The following TTLL8 variants were observed in gnomAD, a reference collection of about 807,000 sequenced individuals.
TTLL8 encodes the protein tubulin tyrosine ligase like 8, also known as protein monoglycylase TTLL8.
A neutral mutation model predicts 77.8 loss-of-function variants in TTLL8; 65 were observed. The observed-to-expected ratio is 0.84, with a 90% CI of 0.68 to 1.03. The LOEUF is 1.03. Among genes scored for constraint, TTLL8 ranks in the 50% least tolerant of loss-of-function variants. The pLI is 0.00. For missense variants in TTLL8, 910 were observed against 1,004.5 expected, an observed-to-expected ratio of 0.91 and a Z score of 1.27; for synonymous variants, 402 against 422.8, an observed-to-expected ratio of 0.95 and a Z score of 0.60.
chr22:50,038,529 T>G (rs1473571121), intron 8 of TTLL8, among the ~76,000 whole-genome samples: 3 of 152,230 alleles, frequency 2.0e-5, no homozygotes, highest in Non-Finnish European at 2.9e-5. Context: ...TGAAAAGATC[T>G]GGCTGTGTGT....
chr22:50,034,654 G>A lies in TTLL8; in HGVS notation c.922-192C>T. The A allele has an allele frequency of 2.3e-6, 1 of 443,548 alleles. No homozygotes were observed. The highest frequency in any genetic ancestry group is 3.7e-5 in the Admixed American group (1 of 27,354). The allele number at this position is 443,548 out of a possible 1,614,324, so 27.5% of individuals were successfully genotyped here. A position where few individuals can be genotyped will look rare whatever the true frequency, so the allele number is the denominator to read the frequency against. ...CCCAGGAAGTTCTCCCAACAGTATG[G>A]ACACCTGGAAAACACAGCCCTGTGA... On this transcript the variant is annotated intron_variant, in intron 8 of 13. Transcript: ENST00000266182. This position sits in a 1 kb window ranked among gnomAD's most constrained non-coding sequence, Gnocchi z 4.1.
rs1569231643 is a variant in TTLL8 at position 50,045,849 on chromosome 22, C to T, written c.508+7G>A. ...GCACTGGGGCCCTCTGCCGTCTCCT[C>T]ACTTACCCAGGAACTCCTGCTGCTC... On this transcript the variant is annotated splice_region_variant and intron_variant, in intron 5 of 13. Coordinates refer to ENST00000266182, the Ensembl canonical transcript of TTLL8. 2 of 1,340,230 alleles carry T rather than the reference C, an allele frequency of 1.5e-6. No individual in the cohort carries two copies. Among genetic ancestry groups the T allele is most frequent in the Non-Finnish European group, 2.0e-6 (2 of 1,011,692 alleles). 83.0% of individuals were successfully genotyped at this position (1,340,230 alleles called of 1,614,324 possible). A position where few individuals can be genotyped will look rare whatever the true frequency, so the allele number is the denominator to read the frequency against.
At chr22:50,019,087 C>T (rs2061181213) in intron 12 of TTLL8, among the ~76,000 whole-genome samples, 1 of 152,186 alleles carries the variant, frequency 6.6e-6, no homozygotes, top group Admixed American at 6.5e-5. Flanking sequence ...ATTTTCCAGG[C>T]TTCAAAGTCG....
At chr22:50,035,853 C>T (rs1000767736) in intron 8 of TTLL8, among the ~76,000 whole-genome samples, 11 of 152,216 alleles carry the variant, frequency 7.2e-5, no homozygotes, top group African/African-American at 2.4e-4. Context: ...CCAGGACAGC[C>T]CAGCCCCGAG....
chr22:50,043,870 G>A (rs1428535212), intron 6 of TTLL8, among the ~76,000 whole-genome samples: 2 of 152,130 alleles, frequency 1.3e-5, no homozygotes, highest in Non-Finnish European at 2.9e-5. Context: ...GGGGGCGGGG[G>A]GATGAAGAGA....
At chr22:50,020,601 T>C (rs894055026) in intron 12 of TTLL8, among the ~76,000 whole-genome samples, 2 of 140,092 alleles carry the variant, frequency 1.4e-5, no homozygotes, top group Non-Finnish European at 3.0e-5. Context: ...TGACGTGAAC[T>C]CCTCCATCTA....
At chr22:50,036,798 A>G (rs2061339821) in intron 8 of TTLL8, among the ~76,000 whole-genome samples, 1 of 151,764 alleles carries the variant, frequency 6.6e-6, no homozygotes, top group Admixed American at 6.6e-5. Context: ...AGATTTCACC[A>G]TTTTTGCCAG....
chr22:50,048,552 A>G (rs1365314279), intron 3 of TTLL8, among the ~76,000 whole-genome samples: 1 of 152,036 alleles, frequency 6.6e-6, no homozygotes, highest in Non-Finnish European at 1.5e-5. Flanking sequence ...ATGTGTCCAC[A>G]CCACTGCCCA....
upstream of TTLL8, among the ~76,000 whole-genome samples, chr22:50,058,115 G>A (rs2061496487): frequency 6.7e-6 from 1 of 149,980 alleles, no homozygotes; most frequent in African/African-American, 2.5e-5. This position sits in a 1 kb window ranked among gnomAD's most constrained non-coding sequence, Gnocchi z 4.2. Flanking sequence ...TCGGAAGCGC[G>A]GACGGGCCTG....
At position 50,031,703 on chromosome 22, in the gene TTLL8, C is replaced by A; in HGVS notation, c.1690G>T (p.Glu564Ter). The A allele has an allele frequency of 7.6e-7, 1 of 1,312,260 alleles. No homozygotes were observed. The highest frequency in any genetic ancestry group is 4.9e-5 in the East Asian group (1 of 20,454). The allele number at this position is 1,312,260 out of a possible 1,614,324, so 81.3% of individuals were successfully genotyped here. The change falls in exon 11 of 14, where the codon GAG (glutamate) becomes TAG (stop). Residue 564 changes from glutamate to a stop codon, truncating the protein, a stop_gained. Coordinates refer to ENST00000266182, the Ensembl canonical transcript of TTLL8. LOFTEE classifies it high-confidence loss of function. Reference sequence around the variant, plus strand: ...TGGCTCACCTGCCTCCACAGGAGCTCGAAGTTGCCGATGTCACAGCTGCGG... The same window carrying A: ...TGGCTCACCTGCCTCCACAGGAGCTAGAAGTTGCCGATGTCACAGCTGCGG...
exon 11 of TTLL8, chr22:50,031,950 C>T (rs747635842): frequency 2.8e-5 from 38 of 1,366,758 alleles, no homozygotes; most frequent in South Asian, 1.0e-4. Flanking sequence ...TCTTCATGGA[C>T]GGGTAGATGA....
chr22:50,050,435 C>T (rs2061438384), intron 1 of TTLL8, among the ~76,000 whole-genome samples, 188 bp from the exon 4 acceptor site: 1 of 149,108 alleles, frequency 6.7e-6, no homozygotes, highest in African/African-American at 2.5e-5. Flanking sequence ...TGCAGTGGGG[C>T]AATCTCAGCT....
chr22:50,034,326 G>A lies in TTLL8; in HGVS notation c.1039+19C>T, dbSNP rs766384102. The A allele has an allele frequency of 7.3e-7, 1 of 1,360,944 alleles. No individual in the cohort carries two copies. Among genetic ancestry groups the A allele is most frequent in the Non-Finnish European group, 9.8e-7 (1 of 1,019,600 alleles). The allele number at this position is 1,360,944 out of a possible 1,614,324, so 84.3% of individuals were successfully genotyped here. A position where few individuals can be genotyped will look rare whatever the true frequency, so the allele number is the denominator to read the frequency against. On this transcript the variant is annotated intron_variant, in intron 9 of 13. Transcript: ENST00000266182. The surrounding 1 kb of genome is among the most constrained non-coding windows in gnomAD (Gnocchi z 4.1). The stretch of plus-strand genomic sequence containing the variant: ...GTGGCCGTTGGTGGCTATGAACGCG[G>A]TGCAGGGAGCATCCGCACCAGGGGA...
chr22:50,043,092 T>A (rs1347690554), intron 6 of TTLL8, among the ~76,000 whole-genome samples: 4 of 152,188 alleles, frequency 2.6e-5, no homozygotes, highest in Admixed American at 2.6e-4. Flanking sequence ...GACCGAGACG[T>A]CCTTCGGTAG....
rs2061370904 is a variant in TTLL8, at chr22:50,041,543, G to C, written c.830+78C>G. On this transcript the variant is annotated intron_variant, in intron 7 of 13. Transcript: ENST00000266182. The surrounding 1 kb of genome is among the most constrained non-coding windows in gnomAD (Gnocchi z 4.3). The stretch of plus-strand genomic sequence containing the variant: ...GCCCAGACAGGTGACCCAGTTCCCA[G>C]AGGCTGCACTGCCCCGGCAGCTCCT... The C allele has an allele frequency of 8.0e-7, 1 of 1,243,560 alleles. No individual in the cohort carries two copies. Among genetic ancestry groups the C allele is most frequent in the East Asian group, 5.3e-5 (1 of 18,728 alleles). The allele number at this position is 1,243,560 out of a possible 1,614,324, so 77.0% of individuals were successfully genotyped here. A position where few individuals can be genotyped will look rare whatever the true frequency, so the allele number is the denominator to read the frequency against.
chr22:50,035,988 C>A (rs1455676934), intron 8 of TTLL8, among the ~76,000 whole-genome samples: 1 of 152,246 alleles, frequency 6.6e-6, no homozygotes, highest in East Asian at 1.9e-4. Flanking sequence ...GATACAGCTG[C>A]TCAGGAGCCC....
intron 12 of TTLL8, among the ~76,000 whole-genome samples, chr22:50,022,744 C>A (rs1173300879): frequency 6.6e-6 from 1 of 152,244 alleles, no homozygotes; most frequent in Non-Finnish European, 1.5e-5. Flanking sequence ...AGGTGTGGAG[C>A]AGCAAGAATA....
chr22:50,032,200 G>C, intron 10 of TTLL8, 91 bp from the exon 12 acceptor site: 3 of 1,253,750 alleles, frequency 2.4e-6, no homozygotes, highest in South Asian at 1.4e-5. Context: ...AGCCCACCCA[G>C]CTGGCTCTAG....
chr22:50,051,895 A>G (rs1192480591), intron 1 of TTLL8, among the ~76,000 whole-genome samples: 1 of 152,200 alleles, frequency 6.6e-6, no homozygotes, highest in African/African-American at 2.4e-5. Flanking sequence ...TTCAAAGCAG[A>G]AGGAGACAAA....
Sources: gnomAD v4.1 joint callset for allele counts (sites outside exome capture counted in the v4.1 genomes callset) on GRCh38, gnomAD v4.1.1 for gene constraint, Gnocchi (gnomAD v3.1) non-coding constraint, MANE v1.5 for transcripts, NCBI Gene and HGNC (gene_info 2026-07-23, HGNC 2026-07-21) for gene names.